The following SYT3 variants were observed in gnomAD, a reference collection of about 807,000 sequenced individuals.
SYT3 encodes the protein synaptotagmin-3.
Under a neutral mutation model 50.6 loss-of-function variants are expected in SYT3, and 25 were observed. The ratio of observed to expected loss-of-function variants is 0.49; its 90% CI spans 0.36 to 0.69. The LOEUF (loss-of-function observed/expected upper bound fraction) is 0.69. Ranked by LOEUF, SYT3 falls within the 30% of genes least tolerant of loss-of-function variation. SYT3 has a pLI of 0.00. For missense variants in SYT3, 589 were observed against 793.6 expected (o/e 0.74, Z 3.10); for synonymous variants, 323 against 353.9 (o/e 0.91, Z 0.98).
At chr19:50,640,490 G>A (rs1984642517), upstream of SYT3, among the ~76,000 whole-genome samples, 1 of 152,236 alleles carries the variant, frequency 6.6e-6, no homozygotes, top group African/African-American at 2.4e-5. Flanking sequence ...AATGGCAATT[G>A]TCATTTCCTA....
chr19:50,645,835 G>A, the SYT3 span, among the ~76,000 whole-genome samples: 1 of 152,094 alleles, frequency 6.6e-6, no homozygotes, highest in African/African-American at 2.4e-5. Flanking sequence ...AGCTATGATT[G>A]TATCACTGCA....
At chr19:50,633,661 G>A (rs1005105432) in intron 3 of SYT3, among the ~76,000 whole-genome samples, 2 of 152,216 alleles carry the variant, frequency 1.3e-5, no homozygotes, top group South Asian at 4.1e-4. Flanking sequence ...TAGTTTGAAG[G>A]AATGCAGAAG....
chr19:50,633,058 T>C (rs1035178395), intron 3 of SYT3, among the ~76,000 whole-genome samples: 3 of 152,212 alleles, frequency 2.0e-5, no homozygotes, highest in Non-Finnish European at 4.4e-5. Flanking sequence ...CACAGCTCAC[T>C]GCACCCTCGA....
Position 50,639,755 on chromosome 19 carries a change from G to A in SYT3, c.-154+35C>T, listed in dbSNP as rs1984615806. On this transcript the variant is annotated intron_variant, in intron 1 of 10. Coordinates refer to ENST00000600079, the MANE Select transcript of SYT3 (RefSeq NM_001160329.2). The surrounding 1 kb of genome is among the most constrained non-coding windows in gnomAD (Gnocchi z 4.6). ...ACCCCAGGGATTTGACTGGGGCTGGGGCTGTGGCAGGAGGAGGGGGAGGAG... is the reference window on the plus strand; with the variant it reads ...ACCCCAGGGATTTGACTGGGGCTGGAGCTGTGGCAGGAGGAGGGGGAGGAG... 1 of 155,904 alleles carries A rather than the reference G, an allele frequency of 6.4e-6. No individual in the cohort carries two copies. The highest frequency in any genetic ancestry group is 2.4e-5 in the African/African-American group (1 of 41,444). 9.7% of individuals were successfully genotyped at this position (155,904 alleles called of 1,614,324 possible). A position where few individuals can be genotyped will look rare whatever the true frequency, so the allele number is the denominator to read the frequency against.
chr19:50,631,167 CTTT>C (rs869146014), intron 4 of SYT3, among the ~76,000 whole-genome samples: 2 of 20,712 alleles, frequency 9.7e-5, no homozygotes, highest in African/African-American at 3.9e-4. Context: ...TTCTTTCTTT[CTTT>C]TTTTTTTTTT....
At chr19:50,656,002 T>G in the SYT3 span, 1 of 1,520,062 alleles carries the variant, frequency 6.6e-7, no homozygotes, top group Non-Finnish European at 8.8e-7. Flanking sequence ...AGCAGAATCA[T>G]GGCTGAGGAG....
chr19:50,637,899 A>G lies in SYT3; in HGVS notation c.-15-473T>C, dbSNP rs1486199175. The G allele has an allele frequency of 6.5e-6, 1 of 154,484 alleles. No homozygotes were observed. The highest frequency in any genetic ancestry group is 1.4e-5 in the Non-Finnish European group (1 of 69,442). The allele number at this position is 154,484 out of a possible 1,614,324, so 9.6% of individuals were successfully genotyped here. ...GGGATGAGCAGACAAGGTGCCAGCC[A>G]TTCATCATTCATTCATTCAACAAAC... On this transcript the variant is annotated intron_variant, in intron 2 of 10. Coordinates refer to ENST00000600079, the MANE Select transcript of SYT3 (RefSeq NM_001160329.2). The surrounding 1 kb of genome is among the most constrained non-coding windows in gnomAD (Gnocchi z 4.9).
At chr19:50,655,574 G>A in the SYT3 span, among the ~76,000 whole-genome samples, 4 of 151,936 alleles carry the variant, frequency 2.6e-5, no homozygotes, top group African/African-American at 7.3e-5. Context: ...GCGTGAACCC[G>A]GGAGGCAGAG....
chr19:50,639,925 C>G (rs1029881120), upstream of SYT3: 3 of 153,304 alleles, frequency 2.0e-5, no homozygotes, highest in Non-Finnish European at 4.4e-5. The surrounding 1 kb of genome is among the most constrained non-coding windows in gnomAD (Gnocchi z 4.6). Context: ...CTCCTTCCCC[C>G]ACTCCGAACC....
At position 50,636,647 on chromosome 19, in the gene SYT3, T is replaced by A. The variant is rs1984503406; in HGVS notation, c.148+617A>T. Among the ~76,000 whole-genome samples the A allele has an allele frequency of 3.3e-5, 5 of 152,200 alleles. No homozygotes were observed. In the South Asian group the frequency reaches 1.0e-3, roughly 32 times the overall value. ...TTCTAGCTGTGTGACCTTGGACAGG[T>A]CACTTCACCCTTCTCAGCCTCAGTT... On this transcript the variant is annotated intron_variant, in intron 3 of 10. Coordinates refer to ENST00000600079, the MANE Select transcript of SYT3 (RefSeq NM_001160329.2).
chr19:50,639,941 C>G (rs1984628250), upstream of SYT3: 1 of 153,254 alleles, frequency 6.5e-6, no homozygotes, highest in African/African-American at 2.4e-5. This position sits in a 1 kb window ranked among gnomAD's most constrained non-coding sequence, Gnocchi z 4.6. Flanking sequence ...GAACCCGCGG[C>G]AAGAAAGCCG....
At chr19:50,649,423 A>G in the SYT3 span, 1 of 1,536,096 alleles carries the variant, frequency 6.5e-7, no homozygotes, top group Non-Finnish European at 8.7e-7. Context: ...TTCCTGAGAC[A>G]TCCCTCACCC....
At chr19:50,642,969 C>T (rs1984703895), upstream of SYT3, among the ~76,000 whole-genome samples, 1 of 152,180 alleles carries the variant, frequency 6.6e-6, no homozygotes. Context: ...AATGCATTTG[C>T]TCATTTAAAC....
the SYT3 span, chr19:50,656,265 A>G: frequency 6.5e-7 from 1 of 1,536,146 alleles, no homozygotes; most frequent in Non-Finnish European, 8.7e-7. Flanking sequence ...AGTACGAGGC[A>G]CTGGACCGAG....
intron 6 of SYT3, among the ~76,000 whole-genome samples, chr19:50,628,961 T>C (rs1984174116): frequency 6.6e-6 from 1 of 151,898 alleles, no homozygotes. Context: ...GTAGCTGGGA[T>C]TACAGGCATG....
At chr19:50,638,403 A>G (rs977962294) in intron 2 of SYT3, among the ~76,000 whole-genome samples, 1 of 151,524 alleles carries the variant, frequency 6.6e-6, no homozygotes, top group African/African-American at 2.4e-5. Context: ...GTGGATAGGT[A>G]TGGTGGGAGC....
the SYT3 span, among the ~76,000 whole-genome samples, chr19:50,653,682 G>GCA: frequency 0.014 from 1,740 of 121,864 alleles, 24 homozygotes; most frequent in Middle Eastern, 0.02. Context: ...ATGAGAGACA[G>GCA]CACACACACA....
Position 50,630,170 on chromosome 19 carries a change from A to G in SYT3, c.676T>C (p.Tyr226His), listed in dbSNP as rs188199665. Residue 226 changes from tyrosine (Y) to histidine (H), a missense_variant and splice_region_variant, in exon 5 of 11, where the codon TAC becomes CAC. Physicochemically the swap from Tyr to His is moderately conservative, Grantham distance 83. Around this residue, in one of 2 missense-constraint regions of SYT3, gnomAD observed 316 missense variants for 354.3 expected, o/e 0.89. Transcript: ENST00000600079. ...GTGAGGGGTCGGGGCAGGGCTGGGT[A>G]CCTGTAGGGGGTTGGGGGGAGACCA... ...QVTSLAPTTR[Y>H]PALPRPLTQQ... 712 of 1,518,306 alleles carry G rather than the reference A, an allele frequency of 4.7e-4. 2 individuals carry two copies. The African/African-American group carries it at 9.0e-3, about 19-fold the overall frequency. 94.1% of individuals were successfully genotyped at this position (1,518,306 alleles called of 1,614,324 possible). A position where few individuals can be genotyped will look rare whatever the true frequency, so the allele number is the denominator to read the frequency against.
intron 9 of SYT3, among the ~76,000 whole-genome samples, chr19:50,623,697 G>A (rs970022955): frequency 2.5e-4 from 38 of 150,040 alleles, no homozygotes; most frequent in African/African-American, 8.6e-4. Flanking sequence ...AGCTACTTGG[G>A]AGGCTGAAGC....
Sources: gnomAD v4.1 joint callset for allele counts (sites outside exome capture counted in the v4.1 genomes callset) on GRCh38, gnomAD v4.1.1 for gene constraint, gnomAD v4.1.1 regional missense constraint, Gnocchi (gnomAD v3.1) non-coding constraint, MANE v1.5 for transcripts, NCBI Gene and HGNC (gene_info 2026-07-23, HGNC 2026-07-21) for gene names.